SLC49A3: variants seen among roughly 807,000 people sequenced by gnomAD.
SLC49A3 encodes solute carrier family 49 member A3.
Under a neutral mutation model 43.8 loss-of-function variants are expected in SLC49A3, and 50 were observed. The observed-to-expected ratio is 1.14, with a 90% CI of 0.91 to 1.45. The LOEUF (loss-of-function observed/expected upper bound fraction) is 1.45, where lower values mean the gene tolerates loss of function less well. SLC49A3 is among the 40% of genes most tolerant of loss of function. SLC49A3 has a pLI of 0.00. For missense variants in SLC49A3, 906 were observed against 774.1 expected (o/e 1.17, Z -2.02); for synonymous variants, 413 against 352.0 (o/e 1.17, Z -1.94).
rs200227958 is a variant in SLC49A3 at position 686,539 on chromosome 4, C to T, written c.287G>A (p.Arg96His). 230 of 1,612,088 alleles carry T rather than the reference C, an allele frequency of 1.4e-4. No homozygotes were observed. The highest frequency in any genetic ancestry group is 1.6e-4 in the South Asian group (15 of 91,044). Residue 96 changes from arginine (R) to histidine (H), a missense_variant, in exon 2 of 10, where the codon CGT becomes CAT. Transcript: ENST00000322224. ...AIWILDSVGLRAATILGAWLN... is the reference protein window; with the variant it reads ...AIWILDSVGLHAATILGAWLN... Reference sequence around the variant, plus strand: ...GTGTGGGGTCTGACTCACCGCCGCACGGAGCCCGACGGAGTCCAGGATCCA... The same window carrying T: ...GTGTGGGGTCTGACTCACCGCCGCATGGAGCCCGACGGAGTCCAGGATCCA...
At chr4:684,902 C>T in intron 4 of SLC49A3, 46 bp from the exon 5 acceptor site, 1 of 1,581,212 alleles carries the variant, frequency 6.3e-7, no homozygotes, top group Non-Finnish European at 8.6e-7. Context: ...AGACTGGCAC[C>T]CACACACGCC....
chr4:685,505 C>T lies in SLC49A3; in HGVS notation c.585+330G>A, dbSNP rs1740818472. Among the ~76,000 whole-genome samples the T allele has an allele frequency of 6.6e-6, 1 of 151,932 alleles. No homozygotes were observed. The highest frequency in any genetic ancestry group is 2.4e-5 in the African/African-American group (1 of 41,330). On this transcript the variant is annotated intron_variant, in intron 4 of 9. Transcript: ENST00000322224. This position sits in a 1 kb window ranked among gnomAD's most constrained non-coding sequence, Gnocchi z 4.3. ...ATGAGGTCAGGAGTTCGAGACCAGC[C>T]TGGCCAACATGGTGAAACCCCAACT...
chr4:678,448 C>T (rs898798948), downstream of SLC49A3: 2 of 1,428,928 alleles, frequency 1.4e-6, no homozygotes, highest in Non-Finnish European at 1.8e-6. Flanking sequence ...TCCCCCAGTC[C>T]CTGTGCTGAA....
At chr4:684,929 C>A in intron 4 of SLC49A3, 73 bp from the exon 5 acceptor site, 1 of 1,523,356 alleles carries the variant, frequency 6.6e-7, no homozygotes, top group East Asian at 2.5e-5. Flanking sequence ...CTGCCTGTCC[C>A]AGGCGCCACC....
At chr4:689,167 C>T (rs1741628357), upstream of SLC49A3, 2 of 1,275,252 alleles carry the variant, frequency 1.6e-6, no homozygotes, top group Admixed American at 4.3e-5. Flanking sequence ...TCCCGCCGGC[C>T]GCCCGGGCTT....
In SLC49A3 at chr4:683,268, C is replaced by T; in HGVS notation, c.1093G>A (p.Val365Ile). ...TCCCCCACGGGGAAGGAACACTCGA[C>T]CGCCAACTCCATGGCCACGGGGCCC... ...SVGPVAMELA[V>I]ECSFPVGEGA... Residue 365 changes from valine to isoleucine, a missense_variant, in exon 8 of 10, where the codon GTC becomes ATC. Physicochemically the swap from Val to Ile is conservative, Grantham distance 29. Transcript: ENST00000322224. The T allele has an allele frequency of 3.1e-6, 5 of 1,612,746 alleles. No individual in the cohort carries two copies. Among genetic ancestry groups the T allele is most frequent in the Non-Finnish European group, 4.2e-6 (5 of 1,179,882 alleles).
chr4:689,948 A>G (rs2109475039), upstream of SLC49A3, among the ~76,000 whole-genome samples: 1 of 152,366 alleles, frequency 6.6e-6, no homozygotes, highest in South Asian at 2.1e-4. Flanking sequence ...TGCTGAGGCC[A>G]GTATAGGGGT....
intron 1 of SLC49A3, chr4:687,892 G>A (rs1240161456): frequency 6.6e-6 from 1 of 152,218 alleles, no homozygotes; most frequent in Non-Finnish European, 1.5e-5. Flanking sequence ...CTTGGCTGGA[G>A]TGAACATGGT....
At chr4:688,444 C>T (rs28510755) in intron 1 of SLC49A3, among the ~76,000 whole-genome samples, 3 of 152,310 alleles carry the variant, frequency 2.0e-5, no homozygotes, top group South Asian at 2.1e-4. Flanking sequence ...GTTCATTGCA[C>T]GTTGGCCAGA....
In SLC49A3 at chr4:684,874, T is replaced by C. The variant is rs1391182763; in HGVS notation, c.586-18A>G. 2 of 1,608,082 alleles carry C rather than the reference T, an allele frequency of 1.2e-6. No homozygotes were observed. The highest frequency in any genetic ancestry group is 1.8e-4 in the Middle Eastern group (1 of 5,600). ...ACACCGAGCTGGGGAGGGGTGTGTG[T>C]GCACAAGGAGACCACGCAGACTGGC... On this transcript the variant is annotated intron_variant, in intron 4 of 9. Transcript: ENST00000322224.
chr4:686,082 A>G lies in SLC49A3; in HGVS notation c.508+7T>C. On this transcript the variant is annotated splice_region_variant and intron_variant, in intron 3 of 9. Transcript: ENST00000322224. ...CCAGGCAGGCGGCCTCCCTCCCCGG[A>G]ACTCACACATGGTGGCGAGCATGTT... The G allele has an allele frequency of 6.2e-7, 1 of 1,612,870 alleles. No individual in the cohort carries two copies. Among genetic ancestry groups the G allele is most frequent in the Non-Finnish European group, 8.5e-7 (1 of 1,179,888 alleles).
downstream of SLC49A3, chr4:681,060 C>T (rs1400186180): frequency 1.0e-5 from 16 of 1,575,212 alleles, no homozygotes; most frequent in Admixed American, 3.7e-5. Context: ...ACCCCCGCAT[C>T]AGCCCGCGCT....
At chr4:687,234 G>A (rs1205852359) in intron 1 of SLC49A3, 2 of 153,150 alleles carry the variant, frequency 1.3e-5, no homozygotes, top group African/African-American at 4.8e-5. Flanking sequence ...GGCCTCCTAG[G>A]AGAGGTGAGA....
At chr4:679,657 A>C (rs186231183), downstream of SLC49A3, among the ~76,000 whole-genome samples, 253 of 152,304 alleles carry the variant, frequency 1.7e-3, no homozygotes, top group African/African-American at 6.0e-3. Flanking sequence ...AATTAAGAAC[A>C]GCAGATCCCA....
chr4:682,454 G>T (rs954019969), intron 9 of SLC49A3, 78 bp from the exon 10 acceptor site: 7 of 1,274,848 alleles, frequency 5.5e-6, no homozygotes, highest in Middle Eastern at 2.2e-4. Flanking sequence ...CTGGCCTATG[G>T]TGACCCCACT....
At chr4:678,792 C>T, downstream of SLC49A3, 2 of 1,600,560 alleles carry the variant, frequency 1.2e-6, no homozygotes, top group Non-Finnish European at 1.7e-6. Flanking sequence ...TCACTGGGAG[C>T]CCCCACCCCC....
At chr4:681,738 C>T (rs1337404514), downstream of SLC49A3, 4 of 750,832 alleles carry the variant, frequency 5.3e-6, no homozygotes, top group African/African-American at 6.4e-5. Context: ...CCCTCCAGCG[C>T]CGCCCCGCCC....
At chr4:679,136 GCGC>G (rs1478625226), downstream of SLC49A3, 1 of 873,860 alleles carries the variant, frequency 1.1e-6, no homozygotes, top group Non-Finnish European at 1.6e-6. Context: ...GCCAGGGCCC[GCGC>G]CTCAGAGGCC....
intron 1 of SLC49A3, among the ~76,000 whole-genome samples, chr4:686,904 C>A (rs561436931): frequency 1.3e-5 from 2 of 152,314 alleles, no homozygotes; most frequent in African/African-American, 4.8e-5. Context: ...ATGCCCTGAC[C>A]GGGGACCAGC....
Sources: allele counts gnomAD v4.1 joint callset (sites outside exome capture counted in the v4.1 genomes callset), GRCh38; gene constraint gnomAD v4.1.1; non-coding constraint Gnocchi (gnomAD v3.1); transcripts MANE v1.5; gene names NCBI Gene and HGNC (gene_info 2026-07-23, HGNC 2026-07-21).